KCNIP1: variants seen among roughly 807,000 people sequenced by gnomAD.
KCNIP1 encodes A-type potassium channel modulatory protein KCNIP1.
Under a neutral mutation model 33.0 loss-of-function variants are expected in KCNIP1, and 18 were observed. The observed-to-expected ratio is 0.55, with a 90% CI of 0.38 to 0.81. KCNIP1 has a LOEUF of 0.81. Ranked by LOEUF, KCNIP1 falls within the 30% of genes least tolerant of loss-of-function variation. The probability of loss-of-function intolerance (pLI) is 0.00; values close to 1 mark genes in which losing one functional copy is unlikely to be tolerated. For synonymous variants in KCNIP1, 93 were observed against 98.3 expected (o/e 0.95, Z 0.32); for missense variants, 238 against 271.6 (o/e 0.88, Z 0.87).
intron 1 of KCNIP1, among the ~76,000 whole-genome samples, chr5:170,494,736 C>T (rs1037707972): frequency 6.6e-6 from 1 of 152,316 alleles, no homozygotes; most frequent in African/African-American, 2.4e-5. Context: ...CCCCTCACCT[C>T]TTCTTCCCAA....
At chr5:170,525,959 C>T (rs1755550680) in intron 1 of KCNIP1, among the ~76,000 whole-genome samples, 1 of 152,262 alleles carries the variant, frequency 6.6e-6, no homozygotes, top group African/African-American at 2.4e-5. Context: ...AGGATGCCAG[C>T]ACCAACCAGG....
intron 1 of KCNIP1, among the ~76,000 whole-genome samples, chr5:170,367,403 A>AAGAAAGAAAG: frequency 7.9e-6 from 1 of 127,196 alleles, no homozygotes; most frequent in Non-Finnish European, 1.7e-5. Context: ...GAAAGAAAGA[A>AAGAAAGAAAG]AGAAAGAAAG....
chr5:170,560,237 G>A (rs1482274958), intron 1 of KCNIP1, among the ~76,000 whole-genome samples: 5 of 152,038 alleles, frequency 3.3e-5, no homozygotes, highest in East Asian at 3.9e-4. Flanking sequence ...GAAAGCACAC[G>A]AGAGCATTCT....
intron 1 of KCNIP1, among the ~76,000 whole-genome samples, chr5:170,491,694 C>A (rs2113201686): frequency 6.6e-6 from 1 of 152,298 alleles, no homozygotes; most frequent in Admixed American, 6.5e-5. Context: ...ATTTGTGCCT[C>A]ACAGGAAGCC....
intron 1 of KCNIP1, among the ~76,000 whole-genome samples, chr5:170,365,021 G>A (rs537537135): frequency 1.3e-5 from 2 of 152,224 alleles, no homozygotes; most frequent in African/African-American, 4.8e-5. Flanking sequence ...TATACGCTTT[G>A]GCCAACATCT....
intron 1 of KCNIP1, among the ~76,000 whole-genome samples, chr5:170,627,560 C>G (rs770064586): frequency 1.3e-5 from 2 of 152,392 alleles, no homozygotes; most frequent in East Asian, 3.9e-4. Context: ...GGCCACTGCT[C>G]AGGACCCTGG....
intron 1 of KCNIP1, among the ~76,000 whole-genome samples, chr5:170,542,277 G>A (rs562895998): frequency 3.3e-5 from 5 of 152,288 alleles, no homozygotes; most frequent in African/African-American, 1.2e-4. Flanking sequence ...GCTTGGTTTG[G>A]AAGTCAGACA....
chr5:170,383,037 A>C (rs1764312459), intron 1 of KCNIP1: 1 of 152,592 alleles, frequency 6.6e-6, no homozygotes, highest in African/African-American at 2.4e-5. Context: ...GAAAGGGAAA[A>C]AAGAAGGAAA....
At chr5:170,514,954 C>G (rs902774103) in intron 1 of KCNIP1, among the ~76,000 whole-genome samples, 1 of 152,160 alleles carries the variant, frequency 6.6e-6, no homozygotes, top group Non-Finnish European at 1.5e-5. Flanking sequence ...CACAACAACC[C>G]TATGTGGTAG....
chr5:170,513,564 T>TC (rs1410927474), intron 1 of KCNIP1, among the ~76,000 whole-genome samples: 1 of 152,236 alleles, frequency 6.6e-6, no homozygotes, highest in African/African-American at 2.4e-5. Flanking sequence ...TAGCTGTACC[T>TC]CCAAGTTTTC....
At chr5:170,701,664 T>G (rs935869122) in intron 1 of KCNIP1, among the ~76,000 whole-genome samples, 1 of 152,176 alleles carries the variant, frequency 6.6e-6, no homozygotes, top group Non-Finnish European at 1.5e-5. Context: ...AAGGCACTCA[T>G]TAAGAAGCTG....
chr5:170,656,514 G>A (rs1761271427), intron 1 of KCNIP1, among the ~76,000 whole-genome samples: 2 of 152,186 alleles, frequency 1.3e-5, no homozygotes, highest in South Asian at 4.1e-4. Context: ...CTCAGCTGCC[G>A]CTGCCAGTCC....
At chr5:170,510,126 C>T (rs146342847) in intron 1 of KCNIP1, among the ~76,000 whole-genome samples, 55 of 152,336 alleles carry the variant, frequency 3.6e-4, no homozygotes, top group Non-Finnish European at 6.8e-4. Context: ...TTCAAGGCCT[C>T]ATTCAATGCC....
intron 1 of KCNIP1, among the ~76,000 whole-genome samples, chr5:170,474,716 G>A (rs1267748338): frequency 1.3e-5 from 2 of 152,230 alleles, no homozygotes; most frequent in African/African-American, 4.8e-5. Context: ...CCAGGAAACA[G>A]CAATGCTGCG....
Position 170,423,674 on chromosome 5 carries a change from G to C in KCNIP1, c.88+69710G>C, listed in dbSNP as rs184254430. On this transcript the variant is annotated intron_variant, in intron 1 of 7. Transcript: ENST00000377360. ...TCACAGCATATTGGAAAAATTTTATGAATCGGTGAACTTTTTCATTCTCAA... is the reference window on the plus strand; with the variant it reads ...TCACAGCATATTGGAAAAATTTTATCAATCGGTGAACTTTTTCATTCTCAA... Among the ~76,000 whole-genome samples the C allele has an allele frequency of 2.9e-3, 436 of 152,316 alleles. 2 individuals are homozygous for C. Among genetic ancestry groups the C allele is most frequent in the Non-Finnish European group, 4.3e-3 (295 of 68,024 alleles).
At chr5:170,490,070 G>A (rs1451609425) in intron 1 of KCNIP1, among the ~76,000 whole-genome samples, 1 of 152,218 alleles carries the variant, frequency 6.6e-6, no homozygotes, top group East Asian at 1.9e-4. Context: ...GGGGGCAACA[G>A]GTTCTCTCCA....
At chr5:170,384,059 A>G (rs1331394707) in intron 1 of KCNIP1, among the ~76,000 whole-genome samples, 1 of 152,204 alleles carries the variant, frequency 6.6e-6, no homozygotes, top group Non-Finnish European at 1.5e-5. Flanking sequence ...GGTCTTAGAC[A>G]TTATCTATAT....
intron 1 of KCNIP1, among the ~76,000 whole-genome samples, chr5:170,687,305 T>G (rs1973529): frequency 6.6e-6 from 1 of 151,530 alleles, no homozygotes. Flanking sequence ...CCTCAGCCTC[T>G]TGAGTAGCTG....
At chr5:170,690,753 A>G (rs1371652055) in intron 1 of KCNIP1, among the ~76,000 whole-genome samples, 1 of 152,218 alleles carries the variant, frequency 6.6e-6, no homozygotes, top group Admixed American at 6.5e-5. Flanking sequence ...ATTGAATTAC[A>G]TCAGTTGTTT....
Sources: allele counts gnomAD v4.1 joint callset (sites outside exome capture counted in the v4.1 genomes callset), GRCh38; gene constraint gnomAD v4.1.1; transcripts MANE v1.5; gene names NCBI Gene and HGNC (gene_info 2026-07-23, HGNC 2026-07-21).